UBE4B: variants seen among roughly 807,000 people sequenced by gnomAD.
UBE4B encodes ubiquitin conjugation factor E4 B.
Under a neutral mutation model 148.1 loss-of-function variants are expected in UBE4B, and 27 were observed. That is an observed-to-expected ratio of 0.18 (90% CI 0.13 to 0.25). UBE4B has a LOEUF of 0.25. Ranked by LOEUF, UBE4B falls within the 10% of genes least tolerant of loss-of-function variation. UBE4B has a pLI of 1.00. For missense variants in UBE4B, 1,170 were observed against 1,662.4 expected, an observed-to-expected ratio of 0.70 and a Z score of 5.15; for synonymous variants, 596 against 619.3, an observed-to-expected ratio of 0.96 and a Z score of 0.56.
chr1:10,086,672 A>G (rs1017719736), intron 2 of UBE4B, among the ~76,000 whole-genome samples: 1 of 152,066 alleles, frequency 6.6e-6, no homozygotes, highest in African/African-American at 2.4e-5. Flanking sequence ...GTCATTCAAC[A>G]GTGGTGGGAT....
At chr1:10,105,885 A>T in intron 6 of UBE4B, 141 bp downstream of exon 6, 1 of 971,818 alleles carries the variant, frequency 1.0e-6, no homozygotes, top group Non-Finnish European at 1.5e-6. Flanking sequence ...GGATTTAGTC[A>T]TTGGAAGTGG....
At chr1:10,084,772 A>G (rs923898702) in intron 2 of UBE4B, among the ~76,000 whole-genome samples, 1 of 148,352 alleles carries the variant, frequency 6.7e-6, no homozygotes, top group Non-Finnish European at 1.5e-5. Context: ...ATCTTGGCTC[A>G]CTGTAGCCTC....
At chr1:10,148,989 C>T (rs1282818317) in intron 19 of UBE4B, among the ~76,000 whole-genome samples, 195 bp from the exon 20 acceptor site, 1 of 152,146 alleles carries the variant, frequency 6.6e-6, no homozygotes, top group Admixed American at 6.6e-5. Context: ...CACACATACC[C>T]TTGCATATGC....
chr1:10,094,010 CAT>C lies in UBE4B; in HGVS notation c.212-1450_212-1449del, dbSNP rs560378944. On this transcript the variant is annotated intron_variant, in intron 2 of 27. Transcript: ENST00000343090. ...GTGCCCAGCCAATGGTTTTTTTAAA[CAT>C]GTGTCATTTTCCTTTTCAGCACCAT... 9.6e-4 allele frequency among the ~76,000 whole-genome samples: 146 copies of C among 152,134 alleles called. 2 individuals are homozygous for C. Among genetic ancestry groups the C allele is most frequent in the African/African-American group, 2.6e-3 (107 of 41,502 alleles).
At chr1:10,143,881 G>A (rs868365327) in intron 17 of UBE4B, among the ~76,000 whole-genome samples, 5 of 152,272 alleles carry the variant, frequency 3.3e-5, no homozygotes, top group Middle Eastern at 3.4e-3. Context: ...CTCTACCACT[G>A]TACTTCCAGA....
chr1:10,122,906 GTTAATT>G (rs1202735115), intron 10 of UBE4B, among the ~76,000 whole-genome samples: 1 of 152,142 alleles, frequency 6.6e-6, no homozygotes, highest in Non-Finnish European at 1.5e-5. Flanking sequence ...ATTTATAACT[GTTAATT>G]TTAAGACCTT....
chr1:10,076,352 C>G (rs1391291774), intron 2 of UBE4B, among the ~76,000 whole-genome samples: 1 of 151,220 alleles, frequency 6.6e-6, no homozygotes, highest in African/African-American at 2.4e-5. Flanking sequence ...TTAAGCAACT[C>G]TCCTGCCTCA....
At chr1:10,110,889 T>C (rs1259232734) in intron 7 of UBE4B, among the ~76,000 whole-genome samples, 1 of 152,008 alleles carries the variant, frequency 6.6e-6, no homozygotes, top group Admixed American at 6.6e-5. Flanking sequence ...CCTATCACTT[T>C]GGAGGCCGAG....
At chr1:10,116,892 A>G (rs183722050) in intron 7 of UBE4B, among the ~76,000 whole-genome samples, 3 of 152,296 alleles carry the variant, frequency 2.0e-5, no homozygotes, top group African/African-American at 4.8e-5. Flanking sequence ...TTACTATACT[A>G]CTTTACCTTT....
Position 10,161,146 on chromosome 1 carries a change from G to A in UBE4B, c.3058G>A (p.Gly1020Arg). The change falls in exon 23 of 28, where the codon GGG (glycine) becomes AGG (arginine). Residue 1020 changes from glycine (G) to arginine (R), a missense_variant. Gly to Arg is a moderately radical substitution (Grantham distance 125). Coordinates refer to ENST00000343090, the MANE Select transcript of UBE4B (RefSeq NM_001105562.3). The surrounding 1 kb of genome is among the most constrained non-coding windows in gnomAD (Gnocchi z 4.1). ...HGTFMEEFNS[G>R]KQFVRYINML... ...ACAATATAATTGCCTTTCCAGCTCC[G>A]GGAAGCAGTTTGTTCGCTATATAAA... 1.9e-6 allele frequency: 3 copies of A among 1,613,938 alleles called. No homozygotes were observed. Among genetic ancestry groups the A allele is most frequent in the South Asian group, 1.1e-5 (1 of 91,042 alleles).
intron 2 of UBE4B, among the ~76,000 whole-genome samples, chr1:10,085,632 T>G (rs1433560188): frequency 1.3e-5 from 2 of 152,228 alleles, no homozygotes; most frequent in East Asian, 3.8e-4. Flanking sequence ...ATAACTTTAA[T>G]GCAACTGTAA....
chr1:10,167,366 G>A (rs1483359013), intron 23 of UBE4B, among the ~76,000 whole-genome samples: 2 of 151,602 alleles, frequency 1.3e-5, no homozygotes, highest in South Asian at 2.1e-4. Flanking sequence ...TTGAACCTGG[G>A]AGGCGGAGGT....
intron 16 of UBE4B, among the ~76,000 whole-genome samples, chr1:10,135,540 C>T (rs1205111946): frequency 6.6e-6 from 1 of 151,968 alleles, no homozygotes; most frequent in Admixed American, 6.6e-5. Flanking sequence ...AGTTCATGAC[C>T]AGCCTGATCA....
rs375559982 is a variant in UBE4B at position 10,102,944 on chromosome 1, C to A, written c.436-4C>A. On this transcript the variant is annotated splice_region_variant and splice_polypyrimidine_tract_variant and intron_variant, in intron 4 of 27. Transcript: ENST00000343090. ...ATTAACCTGCAAATCTTCTTCTTCACCAGGAGCCTTCCTCGGGCCCTGAAG... is the reference window on the plus strand; with the variant it reads ...ATTAACCTGCAAATCTTCTTCTTCAACAGGAGCCTTCCTCGGGCCCTGAAG... The A allele has an allele frequency of 6.2e-6, 10 of 1,602,318 alleles. No homozygotes were observed. The highest frequency in any genetic ancestry group is 7.7e-6 in the Non-Finnish European group (9 of 1,172,190).
At chr1:10,144,746 A>AG (rs991672452) in intron 17 of UBE4B, among the ~76,000 whole-genome samples, 194 bp from the exon 18 acceptor site, 58 of 146,490 alleles carry the variant, frequency 4.0e-4, no homozygotes, top group African/African-American at 1.3e-3. Flanking sequence ...AAAAAAAAAA[A>AG]AAAGAAAGAA....
intron 15 of UBE4B, 67 bp downstream of exon 15, chr1:10,132,549 C>A: frequency 1.4e-6 from 2 of 1,389,434 alleles, no homozygotes; most frequent in South Asian, 1.2e-5. Context: ...ATTTAGTCAG[C>A]ACCTACCAGG....
At chr1:10,109,867 T>G (rs1645189794) in intron 7 of UBE4B, among the ~76,000 whole-genome samples, 1 of 152,102 alleles carries the variant, frequency 6.6e-6, no homozygotes, top group Non-Finnish European at 1.5e-5. Flanking sequence ...GCCAGAGTGG[T>G]CTCAAACTCC....
chr1:10,133,612 A>G (rs896212365), intron 15 of UBE4B, among the ~76,000 whole-genome samples: 11 of 152,180 alleles, frequency 7.2e-5, no homozygotes, highest in African/African-American at 2.7e-4. Flanking sequence ...TCTTGAGGGA[A>G]ATAAAGAGGA....
chr1:10,081,460 T>A (rs959805964), intron 2 of UBE4B, among the ~76,000 whole-genome samples: 1 of 152,110 alleles, frequency 6.6e-6, no homozygotes, highest in African/African-American at 2.4e-5. Flanking sequence ...GGTCCCACTC[T>A]GTCACCCAGG....
Sources: allele counts gnomAD v4.1 joint callset (sites outside exome capture counted in the v4.1 genomes callset), GRCh38; gene constraint gnomAD v4.1.1; non-coding constraint Gnocchi (gnomAD v3.1); transcripts MANE v1.5; gene names NCBI Gene and HGNC (gene_info 2026-07-23, HGNC 2026-07-21).